Variants in WFDC1 observed in about 807,000 individuals in gnomAD.
WFDC1 encodes the protein WAP four-disulfide core domain protein 1.
Under a neutral mutation model 32.9 loss-of-function variants are expected in WFDC1, and 39 were observed. The ratio of observed to expected loss-of-function variants is 1.19; its 90% CI spans 0.92 to 1.55. The LOEUF (loss-of-function observed/expected upper bound fraction) is 1.55, where lower values mean the gene tolerates loss of function less well. WFDC1 is among the 40% of genes most tolerant of loss of function. The pLI, the probability that WFDC1 is intolerant of heterozygous loss-of-function variation, is 0.00. For missense variants in WFDC1, 386 were observed against 309.5 expected (o/e 1.25, Z -1.85); for synonymous variants, 184 against 137.4 (o/e 1.34, Z -2.37).
rs371217998 is a variant in WFDC1 at position 84,318,387 on chromosome 16, C to A, written c.421+32C>A. 27 of 1,606,292 alleles carry A rather than the reference C, an allele frequency of 1.7e-5. No homozygotes were observed. The African/African-American group carries it at 3.3e-4, about 20-fold the overall frequency. ...GCCGGGTAAAGCCCAGACCCTACATCCAAGCCTCGATCCCTCCTTCTCAGC... is the reference window on the plus strand; with the variant it reads ...GCCGGGTAAAGCCCAGACCCTACATACAAGCCTCGATCCCTCCTTCTCAGC... On this transcript the variant is annotated intron_variant, in intron 3 of 6. Coordinates refer to ENST00000219454, the MANE Select transcript of WFDC1 (RefSeq NM_021197.4).
chr16:84,321,718 T>G (rs1456302096), intron 4 of WFDC1, among the ~76,000 whole-genome samples: 4 of 152,206 alleles, frequency 2.6e-5, no homozygotes, highest in Non-Finnish European at 5.9e-5. Flanking sequence ...CATGCACCTT[T>G]GGAGTGCTCT....
chr16:84,311,592 G>A (rs424779), intron 1 of WFDC1, among the ~76,000 whole-genome samples: 59,388 of 139,234 alleles, frequency 0.43, 13,306 homozygotes, highest in East Asian at 0.79. Flanking sequence ...GGAGTAGTGC[G>A]ATCACAGCTC....
intron 3 of WFDC1, 56 bp from the exon 4 acceptor site, chr16:84,319,375 T>A: frequency 6.3e-7 from 1 of 1,589,430 alleles, no homozygotes; most frequent in South Asian, 1.1e-5. Flanking sequence ...GACCCTAGCA[T>A]GTGCACCTGT....
rs183276255 is a variant in WFDC1 at position 84,329,040 on chromosome 16, G to A, written c.*16-282G>A. On this transcript the variant is annotated intron_variant, in intron 6 of 6. Coordinates refer to ENST00000219454, the MANE Select transcript of WFDC1 (RefSeq NM_021197.4). ...CACTGTGGATTTAGTAAATAATTTC[G>A]GCTCTCCAAGCCTCAGCCTCCTCAT... is the stretch of plus-strand genomic sequence containing the variant. The A allele has an allele frequency of 5.3e-5, 8 of 152,062 alleles. No homozygotes were observed. The East Asian group carries it at 9.7e-4, about 18-fold the overall frequency. The allele number at this position is 152,062 out of a possible 1,614,324, so 9.4% of individuals were successfully genotyped here.
chr16:84,306,014 AATAATAAT>A (rs1907230317), intron 1 of WFDC1, among the ~76,000 whole-genome samples: 1 of 44,094 alleles, frequency 2.3e-5, no homozygotes, highest in Non-Finnish European at 4.1e-5. Flanking sequence ...AAATAATAAT[AATAATAAT>A]AATAATAATA....
At chr16:84,321,878 A>C (rs1273617606) in intron 4 of WFDC1, among the ~76,000 whole-genome samples, 1 of 152,120 alleles carries the variant, frequency 6.6e-6, no homozygotes, top group Non-Finnish European at 1.5e-5. Flanking sequence ...AGGTCACCCA[A>C]CCTCTCTTAG....
chr16:84,307,964 TC>T (rs1467153822), intron 1 of WFDC1, among the ~76,000 whole-genome samples: 1 of 152,160 alleles, frequency 6.6e-6, no homozygotes, highest in Non-Finnish European at 1.5e-5. Context: ...CGCTCTGGTC[TC>T]CCCTCTGTCT....
At chr16:84,311,695 C>CTTTTTTTTT (rs67144104) in intron 1 of WFDC1, among the ~76,000 whole-genome samples, 1 of 73,446 alleles carries the variant, frequency 1.4e-5, no homozygotes, top group African/African-American at 5.8e-5. Context: ...TGCCTGACTG[C>CTTTTTTTTT]TTTTTTTTTT....
chr16:84,320,149 C>T (rs967352790), intron 4 of WFDC1, among the ~76,000 whole-genome samples: 16 of 152,122 alleles, frequency 1.1e-4, no homozygotes, highest in South Asian at 2.1e-4. Flanking sequence ...TCAAATTACA[C>T]GACACATTCA....
At chr16:84,305,393 G>T (rs368964085) in intron 1 of WFDC1, among the ~76,000 whole-genome samples, 1 of 152,234 alleles carries the variant, frequency 6.6e-6, no homozygotes. Flanking sequence ...GGCTGTTTCC[G>T]CATGGCCCCT....
intron 1 of WFDC1, among the ~76,000 whole-genome samples, chr16:84,309,650 C>T (rs191210333): frequency 5.3e-5 from 8 of 152,180 alleles, no homozygotes; most frequent in African/African-American, 1.9e-4. Flanking sequence ...GCCAGAAGTT[C>T]AGCATCAGCT....
chr16:84,312,876 C>CACTGCCCA, intron 1 of WFDC1, 85 bp from the exon 2 acceptor site: 1 of 855,174 alleles, frequency 1.2e-6, no homozygotes, highest in Non-Finnish European at 1.5e-6. Flanking sequence ...AGGCCCGGCG[C>CACTGCCCA]ACTGCCCACC....
At chr16:84,296,824 G>A (rs796259086) in intron 1 of WFDC1, 4 of 152,312 alleles carry the variant, frequency 2.6e-5, no homozygotes, top group African/African-American at 7.2e-5. Flanking sequence ...GGAAATTCCT[G>A]GAAGAAGGCT....
At position 84,318,360 on chromosome 16, in the gene WFDC1, C is replaced by T; in HGVS notation, c.421+5C>T. 6.2e-7 allele frequency: 1 copy of T among 1,613,834 alleles called. No individual in the cohort carries two copies. The highest frequency in any genetic ancestry group is 2.2e-5 in the East Asian group (1 of 44,860). On this transcript the variant is annotated splice_donor_5th_base_variant and intron_variant, in intron 3 of 6. Transcript: ENST00000219454. ...GCCCTGAGGAGGTGTTACAAGGTAC[C>T]TGCCGGGTAAAGCCCAGACCCTACA...
chr16:84,309,447 G>A (rs538228162), intron 1 of WFDC1, among the ~76,000 whole-genome samples: 11 of 152,180 alleles, frequency 7.2e-5, no homozygotes, highest in Non-Finnish European at 1.6e-4. Flanking sequence ...TGGATTTGGA[G>A]GCATCGAGGC....
chr16:84,320,050 T>C (rs920309963), intron 4 of WFDC1, among the ~76,000 whole-genome samples: 3 of 152,216 alleles, frequency 2.0e-5, no homozygotes, highest in African/African-American at 4.8e-5. Context: ...TGTTAGACTT[T>C]ACGCTGGTGC....
chr16:84,311,204 T>C (rs1907593927), intron 1 of WFDC1, among the ~76,000 whole-genome samples: 1 of 151,968 alleles, frequency 6.6e-6, no homozygotes, highest in Non-Finnish European at 1.5e-5. Flanking sequence ...ATTGATCTTA[T>C]TGGTCACTCA....
At chr16:84,307,733 A>T (rs1419509040) in intron 1 of WFDC1, among the ~76,000 whole-genome samples, 1 of 152,126 alleles carries the variant, frequency 6.6e-6, no homozygotes, top group Admixed American at 6.5e-5. Flanking sequence ...GTGTATTCTT[A>T]ACCACCCTCC....
chr16:84,316,693 CTTGGCCGGGTGTG>C (rs1907969305), intron 2 of WFDC1: 1 of 152,180 alleles, frequency 6.6e-6, no homozygotes, highest in South Asian at 2.1e-4. Flanking sequence ...AAAATACAGA[CTTGGCCGGGTGTG>C]GTGGCTCATG....
Sources: allele counts gnomAD v4.1 joint callset (sites outside exome capture counted in the v4.1 genomes callset), GRCh38; gene constraint gnomAD v4.1.1; transcripts MANE v1.5; gene names NCBI Gene and HGNC (gene_info 2026-07-23, HGNC 2026-07-21).